Variants in PARD3B observed in about 807,000 individuals in gnomAD.
PARD3B encodes the protein partitioning defective 3 homolog B.
A neutral mutation model predicts 130.2 loss-of-function variants in PARD3B; 103 were observed. The ratio of observed to expected loss-of-function variants is 0.79; its 90% CI spans 0.67 to 0.93. The LOEUF is 0.93. Ranked by LOEUF, PARD3B falls within the 40% of genes least tolerant of loss-of-function variation. The pLI is 0.00. For synonymous variants in PARD3B, 583 were observed against 553.2 expected (o/e 1.05, Z -0.76); for missense variants, 1,609 against 1,499.2 (o/e 1.07, Z -1.21).
chr2:204,652,550 A>C (rs1185875208), intron 1 of PARD3B, among the ~76,000 whole-genome samples: 3 of 152,196 alleles, frequency 2.0e-5, no homozygotes, highest in Admixed American at 1.3e-4. Flanking sequence ...GAAGTTCCAG[A>C]CTTTCCCACA....
chr2:204,861,078 T>C (rs956957980), intron 2 of PARD3B, among the ~76,000 whole-genome samples: 1 of 152,066 alleles, frequency 6.6e-6, no homozygotes, highest in African/African-American at 2.4e-5. Flanking sequence ...TTATTACAAA[T>C]AGACATTTAG....
intron 3 of PARD3B, among the ~76,000 whole-genome samples, chr2:205,001,591 A>G (rs1375186171): frequency 6.6e-6 from 1 of 152,192 alleles, no homozygotes; most frequent in Non-Finnish European, 1.5e-5. Context: ...GGCACGTGAG[A>G]GTGATAAACC....
At chr2:204,815,868 G>T (rs895161622) in intron 2 of PARD3B, among the ~76,000 whole-genome samples, 1 of 152,026 alleles carries the variant, frequency 6.6e-6, no homozygotes, top group Non-Finnish European at 1.5e-5. Flanking sequence ...TCTGGTCAGG[G>T]AACATGCTTG....
rs190149807 is a variant in PARD3B at position 205,374,063 on chromosome 2, A to G, written c.2631-26950A>G. On this transcript the variant is annotated intron_variant, in intron 18 of 22. Transcript: ENST00000406610. ...GTCTTGAGGATTGGGGAAAAGTGCA[A>G]TGAGAAAGCCAGGAGGCTGAAATAG... Among the ~76,000 whole-genome samples, 726 of 152,258 alleles carry G rather than the reference A, an allele frequency of 4.8e-3. 3 individuals carry two copies. The highest frequency in any genetic ancestry group is 0.01 in the Middle Eastern group (3 of 294).
chr2:205,359,773 A>T (rs1475601881), intron 18 of PARD3B, among the ~76,000 whole-genome samples: 1 of 152,060 alleles, frequency 6.6e-6, no homozygotes, highest in Non-Finnish European at 1.5e-5. Flanking sequence ...ATGTATATGG[A>T]CATCTGCTTA....
rs191648186 is a variant in PARD3B, at chr2:205,479,302, C to A, written c.3045-20594C>A. On this transcript the variant is annotated intron_variant, in intron 20 of 22. Coordinates refer to ENST00000406610, the MANE Select transcript of PARD3B (RefSeq NM_001302769.2). ...TTCATTGCACACTTTCTTATTATCACCTCCCACAAAAACTCATTTATTGAA... is the reference window on the plus strand; with the variant it reads ...TTCATTGCACACTTTCTTATTATCAACTCCCACAAAAACTCATTTATTGAA... 7.6e-4 allele frequency among the ~76,000 whole-genome samples: 116 copies of A among 152,274 alleles called. 3 individuals carry two copies. In the East Asian group the frequency reaches 0.014, roughly 18 times the overall value.
chr2:205,075,131 AT>A (rs1207002705), intron 4 of PARD3B, among the ~76,000 whole-genome samples: 1 of 152,186 alleles, frequency 6.6e-6, no homozygotes, highest in Non-Finnish European at 1.5e-5. Flanking sequence ...ACTACTTACA[AT>A]TTGAAATGGC....
chr2:204,971,834 ATTT>A (rs3038727), intron 3 of PARD3B, among the ~76,000 whole-genome samples: 81 of 131,206 alleles, frequency 6.2e-4, no homozygotes, highest in South Asian at 1.2e-3. Flanking sequence ...TTTTGTTTTA[ATTT>A]TTTTTTTTTT....
rs1289794283 is a variant in PARD3B at position 205,024,917 on chromosome 2, T to C, written c.395-22664T>C. Among the ~76,000 whole-genome samples, 7 of 152,314 alleles carry C rather than the reference T, an allele frequency of 4.6e-5. No individual in the cohort carries two copies. In the East Asian group the frequency reaches 1.2e-3, roughly 25 times the overall value. ...CAGTGTAACCATGGTTTTTATTCTGTTTGCCGTTTGGTATGTGGAAAAGCC... is the reference window on the plus strand; with the variant it reads ...CAGTGTAACCATGGTTTTTATTCTGCTTGCCGTTTGGTATGTGGAAAAGCC... On this transcript the variant is annotated intron_variant, in intron 3 of 22. Transcript: ENST00000406610.
intron 2 of PARD3B, among the ~76,000 whole-genome samples, chr2:204,942,327 T>G (rs1318735161): frequency 6.6e-6 from 1 of 152,180 alleles, no homozygotes; most frequent in East Asian, 1.9e-4. Context: ...TTTTTCTTTC[T>G]CTTTCTGTTT....
At chr2:204,928,255 G>A (rs1334136434) in intron 2 of PARD3B, among the ~76,000 whole-genome samples, 2 of 152,090 alleles carry the variant, frequency 1.3e-5, no homozygotes, top group Non-Finnish European at 2.9e-5. Flanking sequence ...ATAGTAGTGG[G>A]AGAGTTCCAA....
chr2:204,853,111 C>A (rs1315008583), intron 2 of PARD3B, among the ~76,000 whole-genome samples: 1 of 151,750 alleles, frequency 6.6e-6, no homozygotes, highest in Non-Finnish European at 1.5e-5. Context: ...TTCCTTATAA[C>A]TATTTTTTTA....
intron 1 of PARD3B, among the ~76,000 whole-genome samples, chr2:204,622,864 T>G (rs2034353793): frequency 6.6e-6 from 1 of 152,132 alleles, no homozygotes; most frequent in Non-Finnish European, 1.5e-5. Flanking sequence ...TAGAACTTCT[T>G]TAATGTATAA....
chr2:205,459,257 G>A (rs1007334920), intron 20 of PARD3B, among the ~76,000 whole-genome samples: 2 of 152,146 alleles, frequency 1.3e-5, no homozygotes, highest in African/African-American at 4.8e-5. Flanking sequence ...CCAAGTCCTA[G>A]CTGTCTTGGG....
At chr2:205,211,559 G>A (rs925570200) in intron 15 of PARD3B, among the ~76,000 whole-genome samples, 4 of 152,016 alleles carry the variant, frequency 2.6e-5, no homozygotes, top group Non-Finnish European at 5.9e-5. Context: ...TAAAGTTGCT[G>A]GAAAGATATC....
intron 3 of PARD3B, among the ~76,000 whole-genome samples, chr2:204,994,272 A>G (rs1182902443): frequency 1.7e-5 from 2 of 115,258 alleles, no homozygotes; most frequent in Non-Finnish European, 3.6e-5. Flanking sequence ...AGATTCTGGT[A>G]TGTTGTGTCT....
chr2:205,598,896 T>C (rs2054672255), intron 22 of PARD3B, among the ~76,000 whole-genome samples: 1 of 152,054 alleles, frequency 6.6e-6, no homozygotes, highest in African/African-American at 2.4e-5. Context: ...AAGGCAGAAA[T>C]CAAAAAATTC....
chr2:205,398,431 G>C (rs1375594160), intron 18 of PARD3B, among the ~76,000 whole-genome samples: 10 of 152,178 alleles, frequency 6.6e-5, no homozygotes, highest in Non-Finnish European at 8.8e-5. Context: ...TCAGGAAAGA[G>C]AGAAAAGGAC....
rs1385070644 is a variant in PARD3B at position 204,998,350 on chromosome 2, ATATATATATG to A, written c.394+33029_394+33038del. Among the ~76,000 whole-genome samples, 176 of 77,808 alleles carry A rather than the reference ATATATATATG, an allele frequency of 2.3e-3. 9 individuals are homozygous for A. The highest frequency in any genetic ancestry group is 0.018 in the East Asian group (69 of 3,758). The allele number at this position is 77,808 out of a possible 152,430, so 51.0% of individuals were successfully genotyped here. A position where few individuals can be genotyped will look rare whatever the true frequency, so the allele number is the denominator to read the frequency against. On this transcript the variant is annotated intron_variant, in intron 3 of 22. Coordinates refer to ENST00000406610, the MANE Select transcript of PARD3B (RefSeq NM_001302769.2). ...TATATATATATATATATATATATAT[ATATATATATG>A]TGTGTGTGTGTGTGTATATATGTGT...
Sources: allele counts gnomAD v4.1 joint callset (sites outside exome capture counted in the v4.1 genomes callset), GRCh38; gene constraint gnomAD v4.1.1; transcripts MANE v1.5; gene names NCBI Gene and HGNC (gene_info 2026-07-23, HGNC 2026-07-21).